The following CRISPLD2 variants were observed in gnomAD, a reference collection of about 807,000 sequenced individuals.
CRISPLD2 encodes cysteine rich secretory protein LCCL domain containing 2.
CRISPLD2 carries 47 observed loss-of-function variants against 71.1 expected under a neutral mutation model. The observed-to-expected ratio is 0.66, with a 90% CI of 0.52 to 0.84. The LOEUF is 0.84. Among genes scored for constraint, CRISPLD2 ranks in the 40% least tolerant of loss-of-function variants. The pLI is 0.00. For synonymous variants in CRISPLD2, 317 were observed against 250.1 expected, an observed-to-expected ratio of 1.27 and a Z score of -2.52; for missense variants, 830 against 651.1, an observed-to-expected ratio of 1.27 and a Z score of -2.99.
intron 13 of CRISPLD2, among the ~76,000 whole-genome samples, chr16:84,884,617 G>T (rs1396401284): frequency 1.3e-5 from 2 of 150,796 alleles, no homozygotes; most frequent in Non-Finnish European, 2.9e-5. Context: ...AAGCCTGTGA[G>T]AGGAGAGGTG....
chr16:84,821,573 T>C (rs536424489), intron 1 of CRISPLD2, among the ~76,000 whole-genome samples: 3 of 152,288 alleles, frequency 2.0e-5, no homozygotes, highest in African/African-American at 7.2e-5. Flanking sequence ...CTATCTGCAC[T>C]CTTGACCCTG....
intron 14 of CRISPLD2, among the ~76,000 whole-genome samples, chr16:84,896,758 T>A (rs1466387972): frequency 6.6e-6 from 1 of 152,218 alleles, no homozygotes; most frequent in East Asian, 1.9e-4. Flanking sequence ...CACAGTCATG[T>A]ATGTACACTC....
intron 13 of CRISPLD2, among the ~76,000 whole-genome samples, chr16:84,886,069 T>G (rs1366631465): frequency 6.6e-6 from 1 of 152,138 alleles, no homozygotes; most frequent in African/African-American, 2.4e-5. Flanking sequence ...TTTCTATTTT[T>G]AGTAGAGATG....
At chr16:84,875,257 A>ATGTGTGTGTGTGTG (rs138882523) in intron 11 of CRISPLD2, among the ~76,000 whole-genome samples, 2 of 148,220 alleles carry the variant, frequency 1.3e-5, no homozygotes, top group South Asian at 2.1e-4. Flanking sequence ...ATATATACAT[A>ATGTGTGTGTGTGTG]TGTGTGTGTG....
chr16:84,898,812 G>A (rs576006967), intron 14 of CRISPLD2, among the ~76,000 whole-genome samples: 2 of 152,154 alleles, frequency 1.3e-5, no homozygotes, highest in Non-Finnish European at 2.9e-5. Context: ...TTCAGAGTTG[G>A]TTGAGGGCTT....
intron 14 of CRISPLD2, among the ~76,000 whole-genome samples, chr16:84,896,474 A>G (rs559547903): frequency 6.6e-6 from 1 of 152,322 alleles, no homozygotes; most frequent in South Asian, 2.1e-4. Flanking sequence ...CAACTTTATA[A>G]TGGTGTGAGA....
At chr16:84,901,152 T>C (rs1365613096) in intron 14 of CRISPLD2, among the ~76,000 whole-genome samples, 1 of 152,192 alleles carries the variant, frequency 6.6e-6, no homozygotes, top group East Asian at 1.9e-4. Flanking sequence ...AAGAATGAGT[T>C]CTTTCTGTAT....
chr16:84,853,959 G>A (rs977748470), intron 5 of CRISPLD2, among the ~76,000 whole-genome samples: 2 of 152,250 alleles, frequency 1.3e-5, no homozygotes, highest in Admixed American at 6.5e-5. Flanking sequence ...TGGGGATTCC[G>A]CTCACCACCT....
chr16:84,880,591 A>C lies in CRISPLD2; in HGVS notation c.1305+7A>C, dbSNP rs111425745. ...AACCAACATCTATGCAGATGTGAGT[A>C]GGATGCATTTTCAACAACTATCTCG... On this transcript the variant is annotated splice_region_variant and intron_variant, in intron 13 of 14. Coordinates refer to ENST00000262424, the MANE Select transcript of CRISPLD2 (RefSeq NM_031476.4). 2.9e-4 allele frequency: 471 copies of C among 1,611,204 alleles called. 2 individuals carry two copies. The African/African-American group carries it at 5.7e-3, about 19-fold the overall frequency.
chr16:84,907,065 T>G lies in CRISPLD2; in HGVS notation c.*423T>G, dbSNP rs371852138. On this transcript the variant is annotated 3_prime_UTR_variant, in exon 15 of 15. Coordinates refer to ENST00000262424, the MANE Select transcript of CRISPLD2 (RefSeq NM_031476.4). ...CATTCACGGCGTCGGAAGAGGCCTT[T>G]TGAGCAAGCGCCAATGAGTTTCAGG... 3.7e-4 allele frequency: 78 copies of G among 209,346 alleles called. No homozygotes were observed. The highest frequency in any genetic ancestry group is 3.2e-3 in the East Asian group (23 of 7,140). 13.0% of individuals were successfully genotyped at this position (209,346 alleles called of 1,614,324 possible).
At chr16:84,846,502 C>T (rs551964932) in intron 3 of CRISPLD2, among the ~76,000 whole-genome samples, 3 of 152,306 alleles carry the variant, frequency 2.0e-5, no homozygotes, top group Non-Finnish European at 4.4e-5. Flanking sequence ...GATCCACCCA[C>T]GTTGGCCTCC....
intron 14 of CRISPLD2, among the ~76,000 whole-genome samples, chr16:84,896,879 G>A (rs966329210): frequency 2.6e-5 from 4 of 152,154 alleles, no homozygotes; most frequent in South Asian, 2.1e-4. Context: ...CTCTTCTGCC[G>A]TCCTTTTAGT....
At chr16:84,849,358 A>G (rs142163042) in intron 3 of CRISPLD2, 27 bp from the exon 4 acceptor site, 2 of 1,603,228 alleles carry the variant, frequency 1.2e-6, no homozygotes, top group Non-Finnish European at 1.7e-6. Context: ...AGGGGCTGGG[A>G]CTGAGTGAGC....
At chr16:84,857,073 C>T (rs55779118) in intron 6 of CRISPLD2, among the ~76,000 whole-genome samples, 1,957 of 152,336 alleles carry the variant, frequency 0.013, 40 homozygotes, top group African/African-American at 0.044. Flanking sequence ...TGGCTGATCA[C>T]CCCGAGGAAT....
intron 13 of CRISPLD2, among the ~76,000 whole-genome samples, chr16:84,884,622 G>C (rs1355134253): frequency 1.3e-5 from 2 of 150,224 alleles, no homozygotes; most frequent in Non-Finnish European, 2.9e-5. Flanking sequence ...TGTGAGAGGA[G>C]AGGTGTGGAG....
In CRISPLD2 at chr16:84,879,483, G is replaced by A. The variant is rs9934176; in HGVS notation, c.1230-1026G>A. 5.3e-5 allele frequency among the ~76,000 whole-genome samples: 8 copies of A among 151,780 alleles called. No homozygotes were observed. In the South Asian group the frequency reaches 6.2e-4, roughly 12 times the overall value. ...ATTCAAGCCATTCTCCTGCCTCAGC[G>A]TCCCGCGTAGCTGGGATTACGGGCC... On this transcript the variant is annotated intron_variant, in intron 12 of 14. Transcript: ENST00000262424.
intron 2 of CRISPLD2, among the ~76,000 whole-genome samples, chr16:84,840,527 G>A (rs192114720): frequency 5.9e-5 from 9 of 152,238 alleles, no homozygotes; most frequent in Admixed American, 2.0e-4. Flanking sequence ...TTGTTTTTGA[G>A]ACAGAGTGTT....
intron 14 of CRISPLD2, among the ~76,000 whole-genome samples, chr16:84,899,609 C>A (rs536480168): frequency 1.3e-5 from 2 of 152,288 alleles, no homozygotes; most frequent in African/African-American, 4.8e-5. Flanking sequence ...ACGGTGGCAT[C>A]CTGGGCGGTG....
chr16:84,877,291 G>A (rs2646122), intron 11 of CRISPLD2, 147 bp from the exon 12 acceptor site: 226,010 of 598,758 alleles, frequency 0.38, 45,202 homozygotes, highest in East Asian at 0.61. Flanking sequence ...TGGGGTACGA[G>A]GAGCCTGCTG....
Sources: allele counts gnomAD v4.1 joint callset (sites outside exome capture counted in the v4.1 genomes callset), GRCh38; gene constraint gnomAD v4.1.1; transcripts MANE v1.5; gene names NCBI Gene and HGNC (gene_info 2026-07-23, HGNC 2026-07-21).